Variants in FBLN5 observed in about 807,000 individuals in gnomAD.
FBLN5 encodes the protein fibulin 5.
Under a neutral mutation model 61.6 loss-of-function variants are expected in FBLN5, and 24 were observed. That is an observed-to-expected ratio of 0.39 (90% CI 0.28 to 0.55). The LOEUF is 0.55. FBLN5 is among the 20% of genes least tolerant of loss of function. FBLN5 has a pLI of 0.65. For synonymous variants in FBLN5, 213 were observed against 219.8 expected (o/e 0.97, Z 0.27); for missense variants, 470 against 594.1 (o/e 0.79, Z 2.17).
At chr14:91,915,456 C>A (rs759737738) in intron 4 of FBLN5, among the ~76,000 whole-genome samples, 1 of 151,758 alleles carries the variant, frequency 6.6e-6, no homozygotes, top group African/African-American at 2.4e-5. Flanking sequence ...GAGGCCAAGG[C>A]GGGTGGATCA....
intron 4 of FBLN5, among the ~76,000 whole-genome samples, chr14:91,896,213 C>T (rs972842798): frequency 5.3e-5 from 8 of 152,248 alleles, no homozygotes; most frequent in South Asian, 2.1e-4. Flanking sequence ...ATGGACCTCC[C>T]GATGCCACAC....
intron 4 of FBLN5, among the ~76,000 whole-genome samples, chr14:91,936,186 TAGACCAATGGTCTCTCAA>T (rs1352804348): frequency 6.6e-6 from 1 of 152,260 alleles, no homozygotes; most frequent in Non-Finnish European, 1.5e-5. Context: ...AAAATCTTGC[TAGACCAATGGTCTCTCAA>T]ACTTTTGGGG....
In FBLN5 at chr14:91,894,918, G is replaced by C. The variant is rs758275646; in HGVS notation, c.502+32C>G. On this transcript the variant is annotated intron_variant, in intron 5 of 10. Coordinates refer to ENST00000342058, the MANE Select transcript of FBLN5 (RefSeq NM_006329.4). ...GCCCCTGGCAACCGTTAACTTCCAA[G>C]AGTCCCTGTGACCCCCCCAGAGAGC... The C allele has an allele frequency of 1.1e-5, 16 of 1,410,944 alleles. No individual in the cohort carries two copies. The East Asian group carries it at 4.8e-4, about 42-fold the overall frequency. 87.4% of individuals were successfully genotyped at this position (1,410,944 alleles called of 1,614,324 possible).
Position 91,883,083 on chromosome 14 carries a change from T to C in FBLN5, c.740-7A>G, listed in dbSNP as rs1467407979. Reference sequence around the variant, plus strand: ...AAGCTGCACTCGTCCATATCTGGGGTGACAAGTCACACCTGCTGTTTGTAA... The same window carrying C: ...AAGCTGCACTCGTCCATATCTGGGGCGACAAGTCACACCTGCTGTTTGTAA... On this transcript the variant is annotated splice_polypyrimidine_tract_variant and splice_region_variant and intron_variant, in intron 7 of 10. Transcript: ENST00000342058. The C allele has an allele frequency of 6.2e-7, 1 of 1,613,650 alleles. No homozygotes were observed. The highest frequency in any genetic ancestry group is 8.5e-7 in the Non-Finnish European group (1 of 1,179,728).
chr14:91,921,259 A>C (rs1025095318), intron 4 of FBLN5, among the ~76,000 whole-genome samples: 3 of 152,208 alleles, frequency 2.0e-5, no homozygotes, highest in African/African-American at 7.2e-5. Flanking sequence ...TAGCTCCCAG[A>C]GTTTCTGCCA....
At chr14:91,891,892 G>A (rs72705343) in intron 5 of FBLN5, among the ~76,000 whole-genome samples, 4 of 152,334 alleles carry the variant, frequency 2.6e-5, no homozygotes, top group Non-Finnish European at 5.9e-5. Flanking sequence ...AGGAACAAGA[G>A]CCAGTTAGGC....
At chr14:91,881,073 A>G (rs1231593553) in intron 9 of FBLN5, among the ~76,000 whole-genome samples, 1 of 152,004 alleles carries the variant, frequency 6.6e-6, no homozygotes, top group Non-Finnish European at 1.5e-5. Context: ...ATGTACTCTG[A>G]TATTTTCTAT....
At chr14:91,898,943 A>C (rs1890341085) in intron 4 of FBLN5, among the ~76,000 whole-genome samples, 1 of 151,762 alleles carries the variant, frequency 6.6e-6, no homozygotes, top group Non-Finnish European at 1.5e-5. Context: ...CTGGGACTAC[A>C]GGTGCCCACC....
Position 91,947,039 on chromosome 14 carries a change from GAAATT to G in FBLN5, c.17+169_17+173del, listed in dbSNP as rs937578639. The G allele has an allele frequency of 9.1e-5, 139 of 1,534,064 alleles. No individual in the cohort carries two copies. Among genetic ancestry groups the G allele is most frequent in the Non-Finnish European group, 1.2e-4 (133 of 1,140,348 alleles). On this transcript the variant is annotated intron_variant, in intron 1 of 10. Transcript: ENST00000342058. The surrounding 1 kb of genome is among the most constrained non-coding windows in gnomAD (Gnocchi z 4.3). ...ACTCCCAAAAGAACGCTTCAAGATG[GAAATT>G]ACAGAGGCGCAGCTTTTTATAATTA...
intron 4 of FBLN5, among the ~76,000 whole-genome samples, chr14:91,920,528 TA>T (rs34873410): frequency 0.57 from 87,380 of 152,016 alleles, 26,649 homozygotes; most frequent in Non-Finnish European, 0.69. Flanking sequence ...CTTTGGGCTT[TA>T]TTCAGCGCTG....
At chr14:91,937,924 A>G (rs900843690) in intron 3 of FBLN5, among the ~76,000 whole-genome samples, 6 of 152,260 alleles carry the variant, frequency 3.9e-5, no homozygotes, top group Non-Finnish European at 8.8e-5. Flanking sequence ...ATAAATGTAT[A>G]TTTAAAGTCT....
At chr14:91,925,531 T>C (rs1490085051) in intron 4 of FBLN5, among the ~76,000 whole-genome samples, 1 of 152,290 alleles carries the variant, frequency 6.6e-6, no homozygotes, top group Non-Finnish European at 1.5e-5. Flanking sequence ...GTAATACAAT[T>C]GAGTGGTGCC....
intron 4 of FBLN5, among the ~76,000 whole-genome samples, chr14:91,921,932 C>T (rs770778754): frequency 7.2e-5 from 11 of 152,150 alleles, no homozygotes; most frequent in Non-Finnish European, 1.5e-4. Flanking sequence ...AGCTGGCGGG[C>T]CCACATGCTG....
At chr14:91,918,198 A>C (rs904149751) in intron 4 of FBLN5, among the ~76,000 whole-genome samples, 1 of 152,182 alleles carries the variant, frequency 6.6e-6, no homozygotes, top group Non-Finnish European at 1.5e-5. Flanking sequence ...CATCCTCCAC[A>C]TACCATTTGG....
At chr14:91,908,460 TC>T (rs1326390576) in intron 4 of FBLN5, among the ~76,000 whole-genome samples, 1 of 152,222 alleles carries the variant, frequency 6.6e-6, no homozygotes, top group Admixed American at 6.6e-5. Flanking sequence ...TCAAAGGTTA[TC>T]CTGGTAGTCA....
In FBLN5 at chr14:91,890,462, G is replaced by A. The variant is rs147663866; in HGVS notation, c.619+759C>T. Among the ~76,000 whole-genome samples, 1,158 of 152,326 alleles carry A rather than the reference G, an allele frequency of 7.6e-3. 8 individuals are homozygous for A. Among genetic ancestry groups the A allele is most frequent in the Non-Finnish European group, 0.013 (881 of 68,028 alleles). On this transcript the variant is annotated intron_variant, in intron 6 of 10. Coordinates refer to ENST00000342058, the MANE Select transcript of FBLN5 (RefSeq NM_006329.4). Reference sequence around the variant, plus strand: ...CTGCCAGGGGCTGGAGGCCTGGGCCGGGAGCTGGAATTTGAGGGGGAAGTC... The same window carrying A: ...CTGCCAGGGGCTGGAGGCCTGGGCCAGGAGCTGGAATTTGAGGGGGAAGTC...
At position 91,943,817 on chromosome 14, in the gene FBLN5, C is replaced by A. The variant is rs918235776; in HGVS notation, c.18-856G>T. Among the ~76,000 whole-genome samples the A allele has an allele frequency of 2.6e-5, 4 of 152,024 alleles. No homozygotes were observed. Among genetic ancestry groups the A allele is most frequent in the Non-Finnish European group, 5.9e-5 (4 of 67,988 alleles). ...CCTGTCCCCTGAAGAGTGTGGCCTG[C>A]GGGAACTGCTGCCAGCAGGTCCTGA... On this transcript the variant is annotated intron_variant, in intron 1 of 10. Coordinates refer to ENST00000342058, the MANE Select transcript of FBLN5 (RefSeq NM_006329.4). This position sits in a 1 kb window ranked among gnomAD's most constrained non-coding sequence, Gnocchi z 4.0.
chr14:91,882,979 C>A lies in FBLN5; in HGVS notation c.837G>T (p.Leu279=). 1 of 1,614,094 alleles carries A rather than the reference C, an allele frequency of 6.2e-7. No individual in the cohort carries two copies. The highest frequency in any genetic ancestry group is 2.2e-5 in the East Asian group (1 of 44,872). The part of the protein sequence containing the change: ...YFCSCPPGYI[L]LDDNRSCQDI... ...CTTGGCAGCTTCGGTTGTCATCCAG[C>A]AGGATGTAGCCTGGAGGGCAGGAGC... Residue 279 remains leucine, a synonymous_variant, in exon 8 of 11, where the codon CTG becomes CTT. Transcript: ENST00000342058. The surrounding 1 kb of genome is among the most constrained non-coding windows in gnomAD (Gnocchi z 4.9).
chr14:91,904,550 A>T (rs2430366), intron 4 of FBLN5, among the ~76,000 whole-genome samples: 26,499 of 152,228 alleles, frequency 0.17, 2,470 homozygotes, highest in Admixed American at 0.23. Flanking sequence ...CAAGAACGCT[A>T]TAGACTATGT....
Sources: gnomAD v4.1 joint callset for allele counts (sites outside exome capture counted in the v4.1 genomes callset) on GRCh38, gnomAD v4.1.1 for gene constraint, Gnocchi (gnomAD v3.1) non-coding constraint, MANE v1.5 for transcripts, NCBI Gene and HGNC (gene_info 2026-07-23, HGNC 2026-07-21) for gene names.